The following EMCN variants were observed in gnomAD, a reference collection of about 807,000 sequenced individuals.
The protein encoded by EMCN is MUC-14.
EMCN carries 37 observed loss-of-function variants against 38.4 expected under a neutral mutation model. The ratio of observed to expected loss-of-function variants is 0.96; its 90% CI spans 0.74 to 1.27. The LOEUF (loss-of-function observed/expected upper bound fraction) is 1.27, where lower values mean the gene tolerates loss of function less well. Among genes scored for constraint, EMCN ranks in the 50% most tolerant of loss-of-function variants. The pLI, the probability that EMCN is intolerant of heterozygous loss-of-function variation, is 0.00. For missense variants in EMCN, 318 were observed against 302.8 expected (o/e 1.05, Z -0.37); for synonymous variants, 95 against 100.8 (o/e 0.94, Z 0.35).
rs549914568 is a variant in EMCN, at chr4:100,465,629, G to T, written c.260-90C>A. 8.6e-5 allele frequency: 56 copies of T among 650,154 alleles called. No homozygotes were observed. The African/African-American group carries it at 1.0e-3, about 12-fold the overall frequency. The allele number at this position is 650,154 out of a possible 1,614,324, so 40.3% of individuals were successfully genotyped here. ...TATTAATATCCAACTAAAACTTGAA[G>T]ATTAATTTCTAGAAGTCTTCTGACT... On this transcript the variant is annotated intron_variant, in intron 3 of 11. Transcript: ENST00000296420.
chr4:100,503,406 C>A (rs1729400422), intron 1 of EMCN, among the ~76,000 whole-genome samples: 2 of 152,068 alleles, frequency 1.3e-5, no homozygotes, highest in African/African-American at 4.8e-5. Context: ...TATTTTGGCA[C>A]AATTTGCAGT....
At chr4:100,422,598 A>G (rs1042810157) in intron 7 of EMCN, among the ~76,000 whole-genome samples, 1 of 151,748 alleles carries the variant, frequency 6.6e-6, no homozygotes, top group African/African-American at 2.4e-5. Context: ...TATTTTAATT[A>G]TTTACTTGAC....
At chr4:100,460,245 G>T (rs1053066976) in intron 4 of EMCN, among the ~76,000 whole-genome samples, 1 of 152,002 alleles carries the variant, frequency 6.6e-6, no homozygotes, top group African/African-American at 2.4e-5. Context: ...TGTCCATTCA[G>T]GTCCTTGGCC....
At chr4:100,491,526 A>T (rs982018637) in intron 1 of EMCN, among the ~76,000 whole-genome samples, 1 of 152,190 alleles carries the variant, frequency 6.6e-6, no homozygotes, top group Non-Finnish European at 1.5e-5. Flanking sequence ...CAGGTGGGCA[A>T]ACTTCAACCG....
In EMCN at chr4:100,452,141, G is replaced by A. The variant is rs185201053; in HGVS notation, c.377-4570C>T. 3.0e-3 allele frequency among the ~76,000 whole-genome samples: 461 copies of A among 152,126 alleles called. 2 individuals are homozygous for A. The highest frequency in any genetic ancestry group is 0.01 in the Middle Eastern group (3 of 294). On this transcript the variant is annotated intron_variant, in intron 4 of 11. Coordinates refer to ENST00000296420, the MANE Select transcript of EMCN (RefSeq NM_016242.4). ...TGCCTTGAAGAAAAAAGACCTGGGT[G>A]TTGGTCACTCTCATGTCCAGCTAGT...
chr4:100,486,318 A>AT (rs758736182), intron 1 of EMCN, among the ~76,000 whole-genome samples: 60 of 152,176 alleles, frequency 3.9e-4, no homozygotes, highest in Non-Finnish European at 7.2e-4. Context: ...AGTGCCAATA[A>AT]TAGGAGGTCC....
intron 11 of EMCN, among the ~76,000 whole-genome samples, chr4:100,399,188 C>A (rs1726189610): frequency 6.6e-6 from 1 of 152,196 alleles, no homozygotes; most frequent in South Asian, 2.1e-4. Context: ...AGTGTAGGAA[C>A]AACTTTCGAT....
chr4:100,495,055 A>C lies in EMCN; in HGVS notation c.65-15016T>G, dbSNP rs532129433. ...AAGAAATATGAGATTTGACAGATGC[A>C]GGGAGCTGGGAAGAAAAGTGAGCGT... On this transcript the variant is annotated intron_variant, in intron 1 of 11. Transcript: ENST00000296420. Among the ~76,000 whole-genome samples the C allele has an allele frequency of 2.0e-5, 3 of 152,182 alleles. No individual in the cohort carries two copies. The East Asian group carries it at 5.8e-4, about 29-fold the overall frequency.
chr4:100,489,245 T>C (rs1019387124), intron 1 of EMCN, among the ~76,000 whole-genome samples: 1 of 152,242 alleles, frequency 6.6e-6, no homozygotes, highest in African/African-American at 2.4e-5. Flanking sequence ...ATTCCCATGC[T>C]ACTACTTTAG....
intron 5 of EMCN, among the ~76,000 whole-genome samples, chr4:100,432,906 G>C (rs1727243292): frequency 6.6e-6 from 1 of 152,020 alleles, no homozygotes; most frequent in Non-Finnish European, 1.5e-5. Flanking sequence ...TATTTAGATA[G>C]TAAAAGTTAC....
intron 1 of EMCN, among the ~76,000 whole-genome samples, chr4:100,510,085 T>C (rs1217034432): frequency 2.6e-5 from 4 of 152,172 alleles, no homozygotes; most frequent in Non-Finnish European, 4.4e-5. Context: ...AGACTCAAAC[T>C]TAAGTTTTCA....
chr4:100,423,140 C>T, intron 6 of EMCN, 60 bp from the exon 7 acceptor site: 2 of 1,508,090 alleles, frequency 1.3e-6, no homozygotes, highest in Non-Finnish European at 1.8e-6. Context: ...TTGCAGTCCT[C>T]CCTCCACCCT....
chr4:100,404,160 G>T (rs1269405526), intron 11 of EMCN, among the ~76,000 whole-genome samples: 3 of 151,924 alleles, frequency 2.0e-5, no homozygotes, highest in Non-Finnish European at 4.4e-5. Flanking sequence ...TATTTCCTAG[G>T]TATTCTTCTA....
intron 10 of EMCN, among the ~76,000 whole-genome samples, chr4:100,413,222 A>C (rs2110211366): frequency 6.6e-6 from 1 of 152,302 alleles, no homozygotes; most frequent in Admixed American, 6.5e-5. Context: ...AAATTGTAAC[A>C]GTCATCAATT....
chr4:100,474,101 G>A (rs1728570134), intron 3 of EMCN: 1 of 152,122 alleles, frequency 6.6e-6, no homozygotes, highest in African/African-American at 2.4e-5. Context: ...AAAAATATTT[G>A]CAAATTATCT....
chr4:100,479,359 T>C lies in EMCN; in HGVS notation c.187+558A>G, dbSNP rs74844400. Among the ~76,000 whole-genome samples, 18 of 152,200 alleles carry C rather than the reference T, an allele frequency of 1.2e-4. No homozygotes were observed. In the East Asian group the frequency reaches 3.5e-3, roughly 29 times the overall value. ...GATGCAGTATGCATTGCATTGATAA[T>C]CTCTTGTTTTTTTTAATGGAAGTAT... On this transcript the variant is annotated intron_variant, in intron 2 of 11. Coordinates refer to ENST00000296420, the MANE Select transcript of EMCN (RefSeq NM_016242.4).
intron 3 of EMCN, among the ~76,000 whole-genome samples, chr4:100,467,387 T>C (rs1728345465): frequency 6.6e-6 from 1 of 152,092 alleles, no homozygotes; most frequent in Admixed American, 6.6e-5. Context: ...TTTATTAAGA[T>C]ATGAGAATCG....
intron 1 of EMCN, among the ~76,000 whole-genome samples, chr4:100,480,522 T>A (rs1728778174): frequency 1.3e-5 from 2 of 151,452 alleles, no homozygotes; most frequent in Non-Finnish European, 3.0e-5. Flanking sequence ...TAAAACATTA[T>A]AATTAATAAA....
At chr4:100,449,051 T>C (rs1436373665) in intron 4 of EMCN, among the ~76,000 whole-genome samples, 4 of 152,046 alleles carry the variant, frequency 2.6e-5, no homozygotes, top group Non-Finnish European at 5.9e-5. Context: ...TGTCAGAACA[T>C]AACTCCATGG....
Sources: allele counts gnomAD v4.1 joint callset (sites outside exome capture counted in the v4.1 genomes callset), GRCh38; gene constraint gnomAD v4.1.1; transcripts MANE v1.5; gene names NCBI Gene and HGNC (gene_info 2026-07-23, HGNC 2026-07-21).